Variants in SLC30A7 observed in about 807,000 individuals in gnomAD.
SLC30A7 encodes solute carrier family 30 member 7, also known as zinc transporter 7.
SLC30A7 carries 35 observed loss-of-function variants against 46.0 expected under a neutral mutation model. That is an observed-to-expected ratio of 0.76 (90% CI 0.58 to 1.01). SLC30A7 has a LOEUF of 1.01. Among genes scored for constraint, SLC30A7 ranks in the 50% least tolerant of loss-of-function variants. The pLI, the probability that SLC30A7 is intolerant of heterozygous loss-of-function variation, is 0.00. For synonymous variants in SLC30A7, 147 were observed against 157.8 expected (o/e 0.93, Z 0.51); for missense variants, 464 against 451.1 (o/e 1.03, Z -0.26).
chr1:100,992,538 G>T, the SLC30A7 span: 1 of 768,448 alleles, frequency 1.3e-6, no homozygotes, highest in Non-Finnish European at 2.1e-6. Flanking sequence ...CAAAAATACT[G>T]ACTCTTGCTT....
intron 10 of SLC30A7, among the ~76,000 whole-genome samples, chr1:100,968,903 C>T (rs1293448779): frequency 6.6e-6 from 1 of 152,136 alleles, no homozygotes; most frequent in Admixed American, 6.5e-5. Context: ...TTTATATATG[C>T]TAAGTATGGA....
intron 8 of SLC30A7, among the ~76,000 whole-genome samples, chr1:100,932,306 T>G (rs551121395): frequency 6.6e-6 from 1 of 152,094 alleles, no homozygotes; most frequent in Non-Finnish European, 1.5e-5. Flanking sequence ...TCCCAGCTAC[T>G]TGGGAGGCTG....
chr1:100,934,457 C>T (rs1319320343), intron 8 of SLC30A7, among the ~76,000 whole-genome samples: 1 of 152,070 alleles, frequency 6.6e-6, no homozygotes, highest in Admixed American at 6.5e-5. Context: ...ATAGGACTCT[C>T]ATCTTTTCTT....
chr1:100,996,048 A>G, the SLC30A7 span: 20 of 152,342 alleles, frequency 1.3e-4, no homozygotes, highest in East Asian at 3.3e-3. Context: ...CAGAGTTAAT[A>G]TTAAATACAT....
rs1655785801 is a variant in SLC30A7 at position 100,964,954 on chromosome 1, T to C, written c.934-815T>C. ...GTTTCCTATCAACTGTCTTGGAGTTTATAGAAAATAATGACTACATTCATC... is the reference window on the plus strand; with the variant it reads ...GTTTCCTATCAACTGTCTTGGAGTTCATAGAAAATAATGACTACATTCATC... On this transcript the variant is annotated intron_variant, in intron 9 of 10. Transcript: ENST00000357650. Among the ~76,000 whole-genome samples, 4 of 152,356 alleles carry C rather than the reference T, an allele frequency of 2.6e-5. No individual in the cohort carries two copies. The South Asian group carries it at 8.3e-4, about 32-fold the overall frequency.
intron 8 of SLC30A7, among the ~76,000 whole-genome samples, chr1:100,922,644 T>C (rs546159454): frequency 6.6e-6 from 1 of 152,340 alleles, no homozygotes; most frequent in South Asian, 2.1e-4. Flanking sequence ...AGCATCTGCC[T>C]CGTAGCTCTT....
intron 8 of SLC30A7, among the ~76,000 whole-genome samples, chr1:100,952,404 A>T (rs2101072483): frequency 1.3e-5 from 2 of 152,336 alleles, no homozygotes; most frequent in South Asian, 4.1e-4. Flanking sequence ...AGATGTGTAT[A>T]TAAAGTCTTG....
intron 10 of SLC30A7, among the ~76,000 whole-genome samples, chr1:100,968,603 C>T (rs1265096879): frequency 6.6e-6 from 1 of 152,148 alleles, no homozygotes; most frequent in Admixed American, 6.5e-5. Context: ...CTTTTCATTG[C>T]CACGTACTTT....
chr1:100,993,818 T>C, the SLC30A7 span, among the ~76,000 whole-genome samples: 1 of 151,728 alleles, frequency 6.6e-6, no homozygotes, highest in African/African-American at 2.4e-5. Flanking sequence ...ATTGGTTCAC[T>C]GCAACCTCTG....
At position 100,951,951 on chromosome 1, in the gene SLC30A7, A is replaced by G. The variant is rs1654979454; in HGVS notation, c.843-9877A>G. On this transcript the variant is annotated intron_variant, in intron 8 of 10. Coordinates refer to ENST00000357650, the MANE Select transcript of SLC30A7 (RefSeq NM_133496.5). ...GTGGGCCCAATATAATAAAAAAGGG[A>G]TCTTAAAAGATGGAAGTGGAAGGCA... Among the ~76,000 whole-genome samples the G allele has an allele frequency of 2.0e-5, 3 of 152,318 alleles. No individual in the cohort carries two copies. In the South Asian group the frequency reaches 6.2e-4, roughly 32 times the overall value.
chr1:100,946,094 A>G (rs1321148022), intron 8 of SLC30A7, among the ~76,000 whole-genome samples: 1 of 152,110 alleles, frequency 6.6e-6, no homozygotes. Context: ...TTTGTCTGTT[A>G]TCGGTGTATA....
At chr1:100,941,512 G>T in intron 8 of SLC30A7, 2 of 526,220 alleles carry the variant, frequency 3.8e-6, no homozygotes, top group South Asian at 3.0e-5. Context: ...TGCTTACAAA[G>T]GCAAAGCCTT....
chr1:100,916,775 G>C (rs1205484536), intron 6 of SLC30A7, among the ~76,000 whole-genome samples: 1 of 130,154 alleles, frequency 7.7e-6, no homozygotes, highest in Admixed American at 9.4e-5. Context: ...ACCCTTCCCA[G>C]CCTCTGGTAA....
intron 8 of SLC30A7, among the ~76,000 whole-genome samples, chr1:100,940,125 T>C (rs962401937): frequency 1.3e-5 from 2 of 151,908 alleles, no homozygotes; most frequent in South Asian, 4.2e-4. Flanking sequence ...GATGGGTTTA[T>C]ATATATATAG....
Position 100,912,133 on chromosome 1 carries a change from G to A in SLC30A7, c.406G>A (p.Val136Ile). The A allele has an allele frequency of 6.2e-7, 1 of 1,613,774 alleles. No individual in the cohort carries two copies. The highest frequency in any genetic ancestry group is 8.5e-7 in the Non-Finnish European group (1 of 1,179,724). Residue 136 changes from valine (V) to isoleucine (I), a missense_variant, in exon 5 of 11, where the codon GTC becomes ATC. By Grantham distance (29) the Val-to-Ile change is conservative. Coordinates refer to ENST00000357650, the MANE Select transcript of SLC30A7 (RefSeq NM_133496.5). ...CTAGAGAGCATTAGCCCCTCCAGATGTCCACCATGAGAGACTGCTTCTTGT... is the reference window on the plus strand; with the variant it reads ...CTAGAGAGCATTAGCCCCTCCAGATATCCACCATGAGAGACTGCTTCTTGT... ...GVERALAPPD[V>I]HHERLLLVSI...
intron 7 of SLC30A7, among the ~76,000 whole-genome samples, chr1:100,918,630 G>A (rs1175149671): frequency 6.6e-6 from 1 of 152,102 alleles, no homozygotes; most frequent in Non-Finnish European, 1.5e-5. Context: ...CTAACCTACC[G>A]AACATCATAG....
chr1:100,996,047 T>C, the SLC30A7 span: 1 of 152,232 alleles, frequency 6.6e-6, no homozygotes, highest in Non-Finnish European at 1.5e-5. Context: ...GCAGAGTTAA[T>C]ATTAAATACA....
intron 8 of SLC30A7, among the ~76,000 whole-genome samples, chr1:100,926,806 A>G (rs2101039503): frequency 6.6e-6 from 1 of 152,310 alleles, no homozygotes; most frequent in South Asian, 2.1e-4. Flanking sequence ...TAATAGGGAG[A>G]CAGTCAATAA....
chr1:100,909,415 G>T (rs570857342), intron 3 of SLC30A7, among the ~76,000 whole-genome samples: 1 of 152,120 alleles, frequency 6.6e-6, no homozygotes, highest in South Asian at 2.1e-4. Flanking sequence ...ACATCCAGTA[G>T]GTAGATAGAT....
Sources: allele counts gnomAD v4.1 joint callset (sites outside exome capture counted in the v4.1 genomes callset), GRCh38; gene constraint gnomAD v4.1.1; transcripts MANE v1.5; gene names NCBI Gene and HGNC (gene_info 2026-07-23, HGNC 2026-07-21).